The following PDE2A variants were observed in gnomAD, a reference collection of about 807,000 sequenced individuals.
PDE2A encodes cGMP-dependent 3',5'-cyclic phosphodiesterase.
In PDE2A, 53 loss-of-function variants were observed where a neutral mutation model predicts 133.6. The observed-to-expected ratio is 0.40, with a 90% CI of 0.32 to 0.50. The LOEUF is 0.50. Ranked by LOEUF, PDE2A falls within the 20% of genes least tolerant of loss-of-function variation. The pLI is 0.73. For synonymous variants in PDE2A, 491 were observed against 490.2 expected, an observed-to-expected ratio of 1.00 and a Z score of -0.02; for missense variants, 796 against 1,232.4, an observed-to-expected ratio of 0.65 and a Z score of 5.30.
chr11:72,628,923 C>G (rs1030853796), intron 2 of PDE2A, among the ~76,000 whole-genome samples: 7 of 152,344 alleles, frequency 4.6e-5, no homozygotes, highest in African/African-American at 1.7e-4. Context: ...GCAGCGTCCC[C>G]TCAGGCAGCC....
chr11:72,580,438 A>C, intron 25 of PDE2A, 139 bp downstream of exon 25: 26 of 695,506 alleles, frequency 3.7e-5, no homozygotes, highest in Non-Finnish European at 4.7e-5. Context: ...AAAATGAGCC[A>C]GACATGTCCT....
intron 4 of PDE2A, among the ~76,000 whole-genome samples, chr11:72,601,795 C>A (rs1009953124): frequency 6.6e-6 from 1 of 152,208 alleles, no homozygotes; most frequent in Non-Finnish European, 1.5e-5. Flanking sequence ...TTCCAGGATT[C>A]TCTCCTCTCC....
intron 6 of PDE2A, 117 bp downstream of exon 6, chr11:72,596,476 T>TCACACACACA (rs760226055): frequency 2.6e-4 from 61 of 237,702 alleles, no homozygotes; most frequent in African/African-American, 2.0e-3. Context: ...TCTCTCTCTC[T>TCACACACACA]CTCTCTCTCA....
At chr11:72,660,399 G>A (rs1004428455) in intron 1 of PDE2A, among the ~76,000 whole-genome samples, 1 of 152,160 alleles carries the variant, frequency 6.6e-6, no homozygotes, top group Non-Finnish European at 1.5e-5. Context: ...CACAGGAGGT[G>A]TTTGTTTCAC....
Position 72,611,672 on chromosome 11 carries a change from T to C in PDE2A, c.145-2921A>G, listed in dbSNP as rs112458237. Among the ~76,000 whole-genome samples, 196 of 152,298 alleles carry C rather than the reference T, an allele frequency of 1.3e-3. 2 individuals carry two copies. The highest frequency in any genetic ancestry group is 3.4e-3 in the African/African-American group (143 of 41,562). Reference sequence around the variant, plus strand: ...GCGGACTGGATGGTAATGTGACTGATGAAGCCCAGGGCTCTTTGTGGGCAT... The same window carrying C: ...GCGGACTGGATGGTAATGTGACTGACGAAGCCCAGGGCTCTTTGTGGGCAT... On this transcript the variant is annotated intron_variant, in intron 2 of 30. Transcript: ENST00000334456.
rs761717652 is a variant in PDE2A, at chr11:72,642,276, TGCGGCGGCG to T, written c.113_121del (p.Pro38_Pro40del). 6.2e-5 allele frequency: 94 copies of T among 1,525,182 alleles called. No homozygotes were observed. In the Middle Eastern group the frequency reaches 6.8e-4, roughly 11 times the overall value. 94.5% of individuals were successfully genotyped at this position (1,525,182 alleles called of 1,614,324 possible). On this transcript the variant is annotated inframe_deletion, in exon 2 of 31. Coordinates refer to ENST00000334456, the MANE Select transcript of PDE2A (RefSeq NM_002599.5). ...TACCTGCAGGCTGTCGGCGCATGGC[TGCGGCGGCG>T]GCGGCGGCTCGTCCGGCTTGAGGAA...
At position 72,590,381 on chromosome 11, in the gene PDE2A, T is replaced by A. The variant is rs752468072; in HGVS notation, c.703+46A>T. ...CTAACCCGCCCACCTCCCCTCCAAG[T>A]TCTGCCCGGCCCCGCCCTCGTGACC... On this transcript the variant is annotated intron_variant, in intron 8 of 30. Transcript: ENST00000334456. The surrounding 1 kb of genome is among the most constrained non-coding windows in gnomAD (Gnocchi z 4.8). 2 of 1,567,018 alleles carry A rather than the reference T, an allele frequency of 1.3e-6. No homozygotes were observed. The highest frequency in any genetic ancestry group is 3.8e-5 in the Admixed American group (2 of 53,190).
Position 72,578,804 on chromosome 11 carries a change from G to A in PDE2A, c.2469+93C>T, listed in dbSNP as rs1302772669. On this transcript the variant is annotated intron_variant, in intron 28 of 30. Coordinates refer to ENST00000334456, the MANE Select transcript of PDE2A (RefSeq NM_002599.5). The surrounding 1 kb of genome is among the most constrained non-coding windows in gnomAD (Gnocchi z 4.2). ...TGTCTCCCCAGAACACAGCCAGGCT[G>A]AGCTGAGCAGAGAGAGGGTATTCAG... 15 of 782,154 alleles carry A rather than the reference G, an allele frequency of 1.9e-5. No individual in the cohort carries two copies. Among genetic ancestry groups the A allele is most frequent in the Middle Eastern group, 2.5e-4 (1 of 4,070 alleles). The allele number at this position is 782,154 out of a possible 1,614,324, so 48.5% of individuals were successfully genotyped here.
chr11:72,580,665 G>A (rs751263322), intron 24 of PDE2A, 41 bp from the exon 25 acceptor site: 18 of 1,476,006 alleles, frequency 1.2e-5, no homozygotes, highest in South Asian at 3.6e-5. Flanking sequence ...CCTCACATCC[G>A]GATCCAAGTG....
intron 2 of PDE2A, among the ~76,000 whole-genome samples, chr11:72,613,485 ACCTCCCTGCCTT>A (rs1314398580): frequency 2.3e-4 from 34 of 149,264 alleles, no homozygotes; most frequent in African/African-American, 8.5e-4. Flanking sequence ...TTTCGGGTGG[ACCTCCCTGCCTT>A]CCTCCCTGCC....
intron 6 of PDE2A, among the ~76,000 whole-genome samples, chr11:72,594,739 T>C (rs950617173): frequency 1.3e-5 from 2 of 152,054 alleles, no homozygotes; most frequent in Admixed American, 1.3e-4. Flanking sequence ...CTCCTCTGCC[T>C]AGAATCCCCT....
At chr11:72,580,787 C>T in intron 24 of PDE2A, 99 bp downstream of exon 24, 1 of 974,732 alleles carries the variant, frequency 1.0e-6, no homozygotes. Context: ...AAACCTGGCT[C>T]CTGGTCTCAC....
In PDE2A at chr11:72,605,114, A is replaced by C. The variant is rs772306440; in HGVS notation, c.323+24T>G. ...GAATCCTTGGCCATGCAAGAGGGCA[A>C]TGGGGGTGCAGAGAATGGCTCACCG... On this transcript the variant is annotated intron_variant, in intron 4 of 30. Transcript: ENST00000334456. The C allele has an allele frequency of 2.0e-6, 3 of 1,503,278 alleles. No individual in the cohort carries two copies. The East Asian group carries it at 6.8e-5, about 34-fold the overall frequency. The allele number at this position is 1,503,278 out of a possible 1,614,324, so 93.1% of individuals were successfully genotyped here. A position where few individuals can be genotyped will look rare whatever the true frequency, so the allele number is the denominator to read the frequency against.
intron 6 of PDE2A, among the ~76,000 whole-genome samples, chr11:72,592,243 G>C (rs1049831575): frequency 6.6e-6 from 1 of 152,194 alleles, no homozygotes; most frequent in Non-Finnish European, 1.5e-5. Flanking sequence ...CCCCACCTGC[G>C]TCACTAGCTT....
At chr11:72,596,690 G>A (rs763221001) in intron 5 of PDE2A, 42 bp from the exon 6 acceptor site, 96 of 1,326,702 alleles carry the variant, frequency 7.2e-5, no homozygotes, top group Non-Finnish European at 9.0e-5. Context: ...CAGGGCTGGC[G>A]AGGCTCAGAG....
chr11:72,579,566 C>T lies in PDE2A; in HGVS notation c.2224G>A (p.Gly742Ser), dbSNP rs781210544. The change falls in exon 26 of 31, where the codon GGC becomes AGC. Residue 742 changes from glycine to serine, a missense_variant. Coordinates refer to ENST00000334456, the MANE Select transcript of PDE2A (RefSeq NM_002599.5). ...AQAIAILNTH[G>S]CNIFDHFSRK... The stretch of plus-strand genomic sequence containing the variant: ...GAGAAATGATCAAAGATGTTGCAGC[C>T]GTGGGTGTTGAGGATGGCGATGGCC... The T allele has an allele frequency of 2.5e-6, 4 of 1,612,866 alleles. No individual in the cohort carries two copies. Among genetic ancestry groups the T allele is most frequent in the South Asian group, 2.2e-5 (2 of 90,672 alleles).
Position 72,583,516 on chromosome 11 carries a change from C to G in PDE2A, c.1651-1G>C. ...CATTCACTTTTTTGTATAGGAGAGA[C>G]TAGGGGAAAGAGGGAAAGATGGGGC... On this transcript the variant is annotated splice_acceptor_variant, in intron 19 of 30. Transcript: ENST00000334456. LOFTEE classifies it high-confidence loss of function. 5.0e-6 allele frequency: 8 copies of G among 1,603,996 alleles called. No homozygotes were observed. The highest frequency in any genetic ancestry group is 6.8e-6 in the Non-Finnish European group (8 of 1,170,884).
At chr11:72,583,637 A>AAAACCTT (rs1304559541) in intron 19 of PDE2A, 122 bp from the exon 20 acceptor site, 4 of 712,568 alleles carry the variant, frequency 5.6e-6, no homozygotes, top group Non-Finnish European at 1.0e-5. Context: ...GGCCCCAGTC[A>AAAACCTT]AAACCTTCAA....
At chr11:72,663,069 C>G (rs1855119077) in intron 1 of PDE2A, among the ~76,000 whole-genome samples, 1 of 152,318 alleles carries the variant, frequency 6.6e-6, no homozygotes, top group African/African-American at 2.4e-5. Context: ...AGGCTAAGAC[C>G]CAGCATCGCC....
Sources: gnomAD v4.1 joint callset for allele counts (sites outside exome capture counted in the v4.1 genomes callset) on GRCh38, gnomAD v4.1.1 for gene constraint, Gnocchi (gnomAD v3.1) non-coding constraint, MANE v1.5 for transcripts, NCBI Gene and HGNC (gene_info 2026-07-23, HGNC 2026-07-21) for gene names.